HEATR5A: variants seen among roughly 807,000 people sequenced by gnomAD.
HEATR5A encodes HEAT repeat containing 5A.
HEATR5A carries 178 observed loss-of-function variants against 218.8 expected under a neutral mutation model. The observed-to-expected ratio is 0.81, with a 90% confidence interval of 0.72 to 0.92. The LOEUF is 0.92. Among genes scored for constraint, HEATR5A ranks in the 40% least tolerant of loss-of-function variants. The pLI is 0.00. For synonymous variants in HEATR5A, 864 were observed against 871.6 expected (o/e 0.99, Z 0.15); for missense variants, 2,420 against 2,418.9 (o/e 1.00, Z -0.01).
At chr14:31,336,927 C>T (rs1004901869) in intron 22 of HEATR5A, among the ~76,000 whole-genome samples, 26 of 152,174 alleles carry the variant, frequency 1.7e-4, no homozygotes, top group African/African-American at 4.8e-4. Context: ...ATTACACACA[C>T]AGGCTATATG....
At chr14:31,345,356 G>A in intron 19 of HEATR5A, 80 bp from the exon 20 acceptor site, 1 of 1,109,228 alleles carries the variant, frequency 9.0e-7, no homozygotes, top group Non-Finnish European at 1.3e-6. Context: ...TTCTTTTGTT[G>A]AAGCAAGTGA....
rs1299025359 is a variant in HEATR5A at position 31,400,787 on chromosome 14, C to T, written c.127-275G>A. ...AACAAATATAAGGGCTCTATGTATT[C>T]GAAATCTTTCTTCTTTTGTTTGAAA... On this transcript the variant is annotated intron_variant, in intron 2 of 35. Transcript: ENST00000543095. Among the ~76,000 whole-genome samples the T allele has an allele frequency of 7.9e-5, 12 of 151,806 alleles. No individual in the cohort carries two copies. In the East Asian group the frequency reaches 1.2e-3, roughly 15 times the overall value.
intron 1 of HEATR5A, among the ~76,000 whole-genome samples, chr14:31,414,861 G>C (rs957860286): frequency 7.9e-5 from 12 of 152,126 alleles, no homozygotes; most frequent in African/African-American, 2.9e-4. Flanking sequence ...GTTTGTTTGT[G>C]ACAGAGTCTC....
intron 25 of HEATR5A, among the ~76,000 whole-genome samples, chr14:31,318,654 C>T (rs1899989814): frequency 6.6e-6 from 1 of 152,148 alleles, no homozygotes; most frequent in South Asian, 2.1e-4. Flanking sequence ...CCGCAACCAG[C>T]TAATTTTGTA....
chr14:31,302,938 C>CAAA (rs747481722), intron 32 of HEATR5A, among the ~76,000 whole-genome samples: 11 of 102,200 alleles, frequency 1.1e-4, no homozygotes, highest in African/African-American at 4.2e-4. Flanking sequence ...TTCATCTTTA[C>CAAA]AAAAAAAAAA....
intron 1 of HEATR5A, among the ~76,000 whole-genome samples, chr14:31,404,592 A>G (rs1217509838): frequency 1.3e-5 from 2 of 152,196 alleles, no homozygotes; most frequent in Non-Finnish European, 2.9e-5. Flanking sequence ...ACATTTAAAC[A>G]TAAGAAGATT....
At chr14:31,378,179 G>C (rs1200710864) in intron 11 of HEATR5A, among the ~76,000 whole-genome samples, 1 of 152,116 alleles carries the variant, frequency 6.6e-6, no homozygotes, top group African/African-American at 2.4e-5. Flanking sequence ...TTTCTGTAAA[G>C]GGGCAGATAG....
At chr14:31,340,583 ATTAT>A in intron 21 of HEATR5A, 1 of 630,572 alleles carries the variant, frequency 1.6e-6, no homozygotes, top group Non-Finnish European at 2.4e-6. Flanking sequence ...GTTGATAGTT[ATTAT>A]TTAAATTGGC....
chr14:31,345,798 G>A (rs1249568313), intron 19 of HEATR5A, among the ~76,000 whole-genome samples: 2 of 152,180 alleles, frequency 1.3e-5, no homozygotes, highest in Non-Finnish European at 2.9e-5. Context: ...AGTATGAGAA[G>A]TGTGTATGGG....
intron 14 of HEATR5A, 42 bp from the exon 15 acceptor site, chr14:31,359,099 T>C: frequency 1.3e-6 from 2 of 1,556,976 alleles, no homozygotes; most frequent in Non-Finnish European, 1.7e-6. Flanking sequence ...CTATTAATTA[T>C]CTGGTGAGAG....
At position 31,347,800 on chromosome 14, in the gene HEATR5A, C is replaced by T. The variant is rs751517427; in HGVS notation, c.2816G>A (p.Cys939Tyr). 15 of 1,611,710 alleles carry T rather than the reference C, an allele frequency of 9.3e-6. No individual in the cohort carries two copies. The highest frequency in any genetic ancestry group is 1.3e-5 in the Non-Finnish European group (15 of 1,179,004). Residue 939 changes from cysteine to tyrosine, a missense_variant, in exon 19 of 36, where the codon TGT becomes TAT. Transcript: ENST00000543095. ...CGCCAAAGTATAAAGGATTCCAATA[C>T]AAGAATTTAGGTGTTGAGAAGAACT... Reference protein sequence around the residue: ...GISSSQHLNSCIGILYTLAQD... With the variant: ...GISSSQHLNSYIGILYTLAQD...
chr14:31,315,952 A>G lies in HEATR5A; in HGVS notation c.4039-3T>C, dbSNP rs1899898049. Reference sequence around the variant, plus strand: ...CTTGCTATCCAGGCACTGCAAACCTAGTTTTCAAGAAATTAAAAGTTATAT... The same window carrying G: ...CTTGCTATCCAGGCACTGCAAACCTGGTTTTCAAGAAATTAAAAGTTATAT... On this transcript the variant is annotated splice_region_variant and splice_polypyrimidine_tract_variant and intron_variant, in intron 26 of 35. Coordinates refer to ENST00000543095, the MANE Select transcript of HEATR5A (RefSeq NM_015473.4). 2 of 1,526,070 alleles carry G rather than the reference A, an allele frequency of 1.3e-6. No homozygotes were observed. Among genetic ancestry groups the G allele is most frequent in the Admixed American group, 2.2e-5 (1 of 45,500 alleles). The allele number at this position is 1,526,070 out of a possible 1,614,324, so 94.5% of individuals were successfully genotyped here.
intron 16 of HEATR5A, among the ~76,000 whole-genome samples, chr14:31,353,305 A>G (rs1368511870): frequency 6.6e-6 from 1 of 152,182 alleles, no homozygotes; most frequent in East Asian, 1.9e-4. Context: ...TAACTATTAT[A>G]TGGTTTTACT....
intron 9 of HEATR5A, among the ~76,000 whole-genome samples, chr14:31,386,215 G>A (rs570283120): frequency 1.3e-5 from 2 of 152,238 alleles, no homozygotes; most frequent in African/African-American, 4.8e-5. Context: ...GGGGGGTAGG[G>A]TGCAGACTTA....
Position 31,323,697 on chromosome 14 carries a change from T to A in HEATR5A, c.3655A>T (p.Thr1219Ser). ...TRRDEKSHPF[T>S]NPRWATRVFA... ...ACTCTAGTAGCCCATCGGGGATTGG[T>A]AAAAGGATGGGATTTTTCATCACGT... The change falls in exon 24 of 36, where the codon ACC becomes TCC. Residue 1219 changes from threonine (T) to serine (S), a missense_variant. By Grantham distance (58) the Thr-to-Ser change is moderately conservative. Coordinates refer to ENST00000543095, the MANE Select transcript of HEATR5A (RefSeq NM_015473.4). 1.2e-6 allele frequency: 2 copies of A among 1,613,762 alleles called. No homozygotes were observed. The highest frequency in any genetic ancestry group is 1.7e-6 in the Non-Finnish European group (2 of 1,179,768).
chr14:31,414,111 A>T (rs926296295), intron 1 of HEATR5A, among the ~76,000 whole-genome samples: 6 of 152,228 alleles, frequency 3.9e-5, no homozygotes, highest in African/African-American at 1.4e-4. Flanking sequence ...TTCATTCCAC[A>T]CACCAATTCT....
rs116681436 is a variant in HEATR5A at position 31,366,342 on chromosome 14, C to T, written c.1962-2044G>A. ...ACCAAATTTAAGAATAAATCTACTG[C>T]ACTTTTATATTTCTCTAAGGCCAGA... On this transcript the variant is annotated intron_variant, in intron 13 of 35. Transcript: ENST00000543095. Among the ~76,000 whole-genome samples the T allele has an allele frequency of 1.3e-3, 198 of 152,292 alleles. 1 individual carries two copies. Among genetic ancestry groups the T allele is most frequent in the African/African-American group, 4.6e-3 (190 of 41,566 alleles).
intron 33 of HEATR5A, among the ~76,000 whole-genome samples, chr14:31,299,754 C>T (rs1461004477): frequency 6.7e-6 from 1 of 150,296 alleles, no homozygotes; most frequent in Non-Finnish European, 1.5e-5. Context: ...CCCTTTCGGC[C>T]GGGCATGATG....
chr14:31,323,230 G>A (rs1026856655), intron 24 of HEATR5A, among the ~76,000 whole-genome samples: 3 of 152,078 alleles, frequency 2.0e-5, no homozygotes, highest in African/African-American at 4.8e-5. Flanking sequence ...ATGTGAACAC[G>A]GCTCACTGCA....
Sources: gnomAD v4.1 joint callset for allele counts (sites outside exome capture counted in the v4.1 genomes callset) on GRCh38, gnomAD v4.1.1 for gene constraint, MANE v1.5 for transcripts, NCBI Gene and HGNC (gene_info 2026-07-23, HGNC 2026-07-21) for gene names.